Variants in EBF1 observed in about 807,000 individuals in gnomAD.
EBF1 encodes transcription factor COE1.
EBF1 carries 10 observed loss-of-function variants against 68.4 expected under a neutral mutation model. The observed-to-expected ratio is 0.15, with a 90% confidence interval of 0.09 to 0.25. EBF1 has a LOEUF of 0.25. EBF1 is among the 10% of genes least tolerant of loss of function. EBF1 has a pLI of 1.00. For missense variants in EBF1, 509 were observed against 794.4 expected, an observed-to-expected ratio of 0.64 and a Z score of 4.32; for synonymous variants, 298 against 299.8, an observed-to-expected ratio of 0.99 and a Z score of 0.06.
chr5:159,063,691 A>G (rs1425701988), intron 6 of EBF1, among the ~76,000 whole-genome samples: 2 of 152,204 alleles, frequency 1.3e-5, no homozygotes, highest in Non-Finnish European at 2.9e-5. Context: ...TTATCTAAGG[A>G]GACTTAGCTA....
At chr5:158,991,338 T>C (rs1460910138) in intron 6 of EBF1, among the ~76,000 whole-genome samples, 1 of 152,254 alleles carries the variant, frequency 6.6e-6, no homozygotes, top group Admixed American at 6.5e-5. Context: ...CATTCTAGCA[T>C]ACCAGATGGT....
At chr5:158,707,254 G>T (rs1384572921) in intron 15 of EBF1, among the ~76,000 whole-genome samples, 1 of 152,176 alleles carries the variant, frequency 6.6e-6, no homozygotes, top group Non-Finnish European at 1.5e-5. Context: ...TAAGAAAAAT[G>T]TAAGAAATGG....
At chr5:158,758,286 G>A (rs767267171) in intron 10 of EBF1, among the ~76,000 whole-genome samples, 19 of 152,126 alleles carry the variant, frequency 1.2e-4, no homozygotes, top group African/African-American at 3.6e-4. Context: ...ACTTATACAC[G>A]TAAGAAAATC....
intron 4 of EBF1, among the ~76,000 whole-genome samples, chr5:159,093,886 C>T (rs1472628100): frequency 6.6e-6 from 1 of 151,876 alleles, no homozygotes; most frequent in African/African-American, 2.4e-5. Context: ...CACAAGCAGA[C>T]AGGCCTTATG....
chr5:158,797,615 G>A (rs1373978187), intron 8 of EBF1, among the ~76,000 whole-genome samples: 2 of 152,196 alleles, frequency 1.3e-5, no homozygotes, highest in African/African-American at 4.8e-5. Flanking sequence ...TTGGCAAAAT[G>A]TCATGCTTTA....
At chr5:158,926,091 C>T (rs1043536832) in intron 6 of EBF1, among the ~76,000 whole-genome samples, 1 of 152,098 alleles carries the variant, frequency 6.6e-6, no homozygotes, top group African/African-American at 2.4e-5. Context: ...TTTATACTTC[C>T]ACCATTGAAA....
intron 10 of EBF1, among the ~76,000 whole-genome samples, chr5:158,738,714 C>CA (rs1399666069): frequency 6.6e-6 from 1 of 152,182 alleles, no homozygotes; most frequent in African/African-American, 2.4e-5. Flanking sequence ...CATAAATTAG[C>CA]ACAGAAGCCT....
intron 6 of EBF1, among the ~76,000 whole-genome samples, chr5:158,971,820 C>T (rs1755713708): frequency 6.6e-6 from 1 of 152,116 alleles, no homozygotes; most frequent in Non-Finnish European, 1.5e-5. Context: ...CTCACCTCCA[C>T]CCTGGAAAAG....
chr5:159,038,147 C>T (rs147407030), intron 6 of EBF1, among the ~76,000 whole-genome samples: 388 of 152,296 alleles, frequency 2.5e-3, no homozygotes, highest in African/African-American at 8.7e-3. Flanking sequence ...TTTCTTATCT[C>T]GGCAGTCCTT....
chr5:159,067,013 A>G (rs948486756), intron 6 of EBF1, among the ~76,000 whole-genome samples: 3 of 152,184 alleles, frequency 2.0e-5, no homozygotes, highest in African/African-American at 7.2e-5. Context: ...CCAAAATACC[A>G]TCTCTTTACG....
intron 11 of EBF1, among the ~76,000 whole-genome samples, chr5:158,727,405 G>A (rs555604804): frequency 1.8e-3 from 280 of 152,174 alleles, no homozygotes; most frequent in Admixed American, 5.3e-3. Context: ...GCATCACTGC[G>A]GCCATCAGCA....
chr5:159,005,709 T>C (rs1339910605), intron 6 of EBF1, among the ~76,000 whole-genome samples: 1 of 152,198 alleles, frequency 6.6e-6, no homozygotes, highest in Non-Finnish European at 1.5e-5. Flanking sequence ...ATTATGATGA[T>C]AGAATGCAGT....
chr5:159,010,041 A>G (rs528391602), intron 6 of EBF1, among the ~76,000 whole-genome samples: 114 of 152,358 alleles, frequency 7.5e-4, no homozygotes, highest in African/African-American at 2.0e-3. Context: ...ACACTTAAGT[A>G]CTAAGCTAAT....
At chr5:158,916,774 T>C (rs1319873238) in intron 6 of EBF1, among the ~76,000 whole-genome samples, 1 of 152,200 alleles carries the variant, frequency 6.6e-6, no homozygotes, top group Non-Finnish European at 1.5e-5. Context: ...TTCAATTACA[T>C]TTTTTATTTC....
intron 6 of EBF1, among the ~76,000 whole-genome samples, chr5:158,959,387 G>A (rs900893014): frequency 1.3e-5 from 2 of 151,030 alleles, no homozygotes; most frequent in Middle Eastern, 3.4e-3. Flanking sequence ...TGTCTCCAGC[G>A]TTCAAGAGAT....
chr5:158,759,265 C>A (rs928780029), intron 10 of EBF1, among the ~76,000 whole-genome samples: 1 of 152,166 alleles, frequency 6.6e-6, no homozygotes, highest in African/African-American at 2.4e-5. Context: ...TCTGCTTCTC[C>A]ATCCTTCCCC....
chr5:158,815,598 CA>C (rs963082196), intron 8 of EBF1, among the ~76,000 whole-genome samples: 1 of 151,980 alleles, frequency 6.6e-6, no homozygotes, highest in South Asian at 2.1e-4. Flanking sequence ...TCAAGTATGG[CA>C]AAAAAGTCTG....
chr5:158,896,905 C>T (rs777988551), intron 6 of EBF1, among the ~76,000 whole-genome samples: 4 of 152,092 alleles, frequency 2.6e-5, no homozygotes, highest in Admixed American at 6.6e-5. Context: ...CCCAGTGGCA[C>T]AAACAGAGTT....
intron 5 of EBF1, among the ~76,000 whole-genome samples, chr5:159,074,250 C>T (rs1778334251): frequency 6.6e-6 from 1 of 152,176 alleles, no homozygotes; most frequent in African/African-American, 2.4e-5. Flanking sequence ...ATCTCCCCTG[C>T]CAGTTGTGGC....
Sources: gnomAD v4.1 joint callset for allele counts (sites outside exome capture counted in the v4.1 genomes callset) on GRCh38, gnomAD v4.1.1 for gene constraint, MANE v1.5 for transcripts, NCBI Gene and HGNC (gene_info 2026-07-23, HGNC 2026-07-21) for gene names.